Variants in COL11A1 observed in about 807,000 individuals in gnomAD.
COL11A1 encodes collagen type XI alpha 1 chain, also known as collagen alpha-1(XI) chain.
In COL11A1, 74 loss-of-function variants were observed where a neutral mutation model predicts 265.2. The ratio of observed to expected loss-of-function variants is 0.28; its 90% confidence interval spans 0.23 to 0.34. The LOEUF is 0.34. Ranked by LOEUF, COL11A1 falls within the 10% of genes least tolerant of loss-of-function variation. COL11A1 has a pLI of 1.00. For synonymous variants in COL11A1, 816 were observed against 727.6 expected, an observed-to-expected ratio of 1.12 and a Z score of -1.96; for missense variants, 2,165 against 2,263.6, an observed-to-expected ratio of 0.96 and a Z score of 0.88.
chr1:103,042,869 T>C (rs1411828611), intron 4 of COL11A1, among the ~76,000 whole-genome samples: 2 of 151,208 alleles, frequency 1.3e-5, no homozygotes, highest in Non-Finnish European at 2.9e-5. Flanking sequence ...ATATGAGAAG[T>C]TGGGGAAACA....
chr1:102,993,046 A>G (rs1039861443), intron 28 of COL11A1, among the ~76,000 whole-genome samples: 33 of 151,962 alleles, frequency 2.2e-4, no homozygotes, highest in African/African-American at 7.5e-4. Flanking sequence ...GTCACTTTAC[A>G]ACTCTCCTAG....
chr1:102,889,979 T>C (rs533687354), intron 58 of COL11A1, among the ~76,000 whole-genome samples: 26 of 152,242 alleles, frequency 1.7e-4, no homozygotes, highest in Non-Finnish European at 3.2e-4. Flanking sequence ...TTAAAAGGCA[T>C]TTGAAGATTT....
intron 2 of COL11A1, among the ~76,000 whole-genome samples, chr1:103,081,684 A>T (rs1023696956): frequency 1.3e-5 from 2 of 151,924 alleles, no homozygotes; most frequent in Admixed American, 6.6e-5. Flanking sequence ...CTTGATTTAT[A>T]CTTGTTTTCT....
intron 63 of COL11A1, among the ~76,000 whole-genome samples, chr1:102,886,055 T>G (rs1346668926): frequency 1.3e-5 from 2 of 152,144 alleles, no homozygotes. Flanking sequence ...AAACAATATT[T>G]TCTACAGAGT....
At chr1:102,883,146 C>A (rs565284158) in intron 64 of COL11A1, 53 bp downstream of exon 64, 1 of 1,204,180 alleles carries the variant, frequency 8.3e-7, no homozygotes. Flanking sequence ...TTCAATATTG[C>A]AAAACATGGC....
intron 57 of COL11A1, among the ~76,000 whole-genome samples, chr1:102,892,595 A>C (rs556093881): frequency 4.4e-4 from 67 of 152,326 alleles, no homozygotes; most frequent in African/African-American, 1.5e-3. Context: ...GAGCTGCTGC[A>C]TGAATGAGGA....
intron 57 of COL11A1, among the ~76,000 whole-genome samples, chr1:102,897,703 TA>T (rs1238553068): frequency 2.6e-5 from 4 of 152,168 alleles, no homozygotes; most frequent in African/African-American, 9.7e-5. Context: ...TTTACTGTTT[TA>T]TGTTTCAGCC....
chr1:102,971,787 C>T (rs1287677995), intron 36 of COL11A1, among the ~76,000 whole-genome samples: 2 of 151,854 alleles, frequency 1.3e-5, no homozygotes, highest in East Asian at 1.9e-4. Context: ...AATTAAAATC[C>T]GTTATGCTAC....
chr1:102,964,630 G>A (rs574832286), intron 38 of COL11A1, among the ~76,000 whole-genome samples: 3 of 151,824 alleles, frequency 2.0e-5, no homozygotes, highest in Admixed American at 6.6e-5. Flanking sequence ...GGATGTGCAT[G>A]TGTGTGTCCG....
At chr1:103,013,816 CT>C (rs1571035881) in intron 13 of COL11A1, among the ~76,000 whole-genome samples, 1 of 151,848 alleles carries the variant, frequency 6.6e-6, no homozygotes, top group East Asian at 1.9e-4. Flanking sequence ...AAAACCAATA[CT>C]ATGAATAAAA....
At chr1:103,006,229 G>A (rs186951527) in intron 16 of COL11A1, 33 bp downstream of exon 16, 3 of 1,456,064 alleles carry the variant, frequency 2.1e-6, no homozygotes, top group Admixed American at 3.6e-5. Context: ...CATGGCAGAT[G>A]CCTTCAAAAT....
At chr1:102,955,365 T>TG (rs1660270800) in intron 41 of COL11A1, among the ~76,000 whole-genome samples, 1 of 151,922 alleles carries the variant, frequency 6.6e-6, no homozygotes, top group South Asian at 2.1e-4. Flanking sequence ...GTCAGAATCA[T>TG]GGGGGGATGG....
In COL11A1 at chr1:102,881,778, A is replaced by G. The variant is rs1462623984; in HGVS notation, c.4972-13T>C. ...ATGAAATTCTTACCTGTTGCAAAGG[A>G]ACAGAAAAGTTAGTGAGTAGGTGAA... On this transcript the variant is annotated splice_polypyrimidine_tract_variant and intron_variant, in intron 64 of 66. Coordinates refer to ENST00000370096, the MANE Select transcript of COL11A1 (RefSeq NM_001854.4). The G allele has an allele frequency of 1.9e-6, 3 of 1,610,684 alleles. No homozygotes were observed. Among genetic ancestry groups the G allele is most frequent in the Non-Finnish European group, 2.5e-6 (3 of 1,177,644 alleles).
intron 46 of COL11A1, among the ~76,000 whole-genome samples, chr1:102,924,679 A>G (rs1656388577): frequency 6.6e-6 from 1 of 152,200 alleles, no homozygotes; most frequent in African/African-American, 2.4e-5. Context: ...TTTCTTGCTA[A>G]CAGTAGCTAT....
intron 37 of COL11A1, among the ~76,000 whole-genome samples, chr1:102,966,628 G>A (rs371964228): frequency 6.6e-6 from 1 of 152,114 alleles, no homozygotes; most frequent in South Asian, 2.1e-4. Context: ...AATTTATTTA[G>A]CATTTTATAA....
intron 54 of COL11A1, among the ~76,000 whole-genome samples, chr1:102,902,453 A>G (rs1432240387): frequency 6.6e-6 from 1 of 152,174 alleles, no homozygotes; most frequent in Non-Finnish European, 1.5e-5. Flanking sequence ...TCCCCACATT[A>G]AAAAATTAGA....
chr1:102,999,665 T>C (rs1364777456), intron 24 of COL11A1, among the ~76,000 whole-genome samples: 1 of 151,832 alleles, frequency 6.6e-6, no homozygotes, highest in Admixed American at 6.6e-5. Flanking sequence ...GCACAGGCTA[T>C]GATAAGTTAG....
intron 66 of COL11A1, 91 bp downstream of exon 66, chr1:102,879,592 T>G: frequency 8.9e-7 from 1 of 1,119,570 alleles, no homozygotes; most frequent in Non-Finnish European, 1.3e-6. Flanking sequence ...TGACGTCCAT[T>G]TCATGAGAAA....
At chr1:102,977,124 C>T (rs1662571594) in intron 35 of COL11A1, among the ~76,000 whole-genome samples, 1 of 151,998 alleles carries the variant, frequency 6.6e-6, no homozygotes, top group Admixed American at 6.6e-5. Flanking sequence ...AGAACTAATT[C>T]CCTGAACTTT....
Sources: allele counts gnomAD v4.1 joint callset (sites outside exome capture counted in the v4.1 genomes callset), GRCh38; gene constraint gnomAD v4.1.1; transcripts MANE v1.5; gene names NCBI Gene and HGNC (gene_info 2026-07-23, HGNC 2026-07-21).